RGS12: variants seen among roughly 807,000 people sequenced by gnomAD.
RGS12 encodes regulator of G protein signaling 12.
RGS12 carries 66 observed loss-of-function variants against 120.1 expected under a neutral mutation model. That is an observed-to-expected ratio of 0.55 (90% CI 0.45 to 0.67). The LOEUF is 0.67. Among genes scored for constraint, RGS12 ranks in the 30% least tolerant of loss-of-function variants. The pLI is 0.00. For synonymous variants in RGS12, 827 were observed against 804.7 expected (o/e 1.03, Z -0.47); for missense variants, 1,859 against 1,957.7 (o/e 0.95, Z 0.95).
intron 13 of RGS12, among the ~76,000 whole-genome samples, chr4:3,424,935 A>C (rs533510217): frequency 6.1e-4 from 93 of 152,340 alleles, no homozygotes; most frequent in African/African-American, 2.1e-3. Context: ...TGACTGACAG[A>C]TCGTGAATGC....
At chr4:3,335,578 C>T (rs915045233) in intron 2 of RGS12, among the ~76,000 whole-genome samples, 4 of 152,182 alleles carry the variant, frequency 2.6e-5, no homozygotes. Context: ...ACGTTTCACC[C>T]TCACAGGGGC....
chr4:3,308,706 C>CT (rs914952555), intron 1 of RGS12, among the ~76,000 whole-genome samples: 3 of 152,228 alleles, frequency 2.0e-5, no homozygotes, highest in Admixed American at 1.3e-4. Context: ...TTTTGTGGGA[C>CT]TTTTTTCATC....
rs755790005 is a variant in RGS12 at position 3,399,775 on chromosome 4, C to T, written c.2020+13338C>T. On this transcript the variant is annotated intron_variant, in intron 4 of 17. Transcript: ENST00000336727. ...CTTAGGCTAAGTAATATTGCAATAA[C>T]AAATAACACCAAAAATCCTGGTGGG... Among the ~76,000 whole-genome samples, 5 of 152,328 alleles carry T rather than the reference C, an allele frequency of 3.3e-5. No individual in the cohort carries two copies. The South Asian group carries it at 6.2e-4, about 19-fold the overall frequency.
At chr4:3,397,434 G>A (rs1720147302) in intron 4 of RGS12, among the ~76,000 whole-genome samples, 1 of 152,228 alleles carries the variant, frequency 6.6e-6, no homozygotes. Flanking sequence ...GAAGAACCAG[G>A]AAAAAGCTGA....
At chr4:3,311,241 T>G (rs1034814686) in intron 1 of RGS12, among the ~76,000 whole-genome samples, 1 of 152,184 alleles carries the variant, frequency 6.6e-6, no homozygotes. Flanking sequence ...GCTGGCTTGG[T>G]CTTTCCAGCC....
At position 3,428,185 on chromosome 4, in the gene RGS12, G is replaced by A; in HGVS notation, c.3411+16G>A. On this transcript the variant is annotated intron_variant, in intron 15 of 17. Coordinates refer to ENST00000336727, the MANE Select transcript of RGS12 (RefSeq NM_001394154.1). ...CTCGGCTACGGTAATTCCCCACCCT[G>A]GCCCACCCTGTGCCCTGCTCCTCTC... is the stretch of plus-strand genomic sequence containing the variant. 1 of 1,608,962 alleles carries A rather than the reference G, an allele frequency of 6.2e-7. No individual in the cohort carries two copies. The highest frequency in any genetic ancestry group is 8.5e-7 in the Non-Finnish European group (1 of 1,175,900).
intron 3 of RGS12, among the ~76,000 whole-genome samples, chr4:3,354,064 T>A (rs1030225569): frequency 2.0e-5 from 3 of 152,174 alleles, no homozygotes; most frequent in Admixed American, 1.3e-4. Flanking sequence ...GTTTGAGAAA[T>A]GGCTCACATT....
intron 5 of RGS12, 24 bp downstream of exon 5, chr4:3,414,265 C>T: frequency 6.6e-7 from 1 of 1,520,934 alleles, no homozygotes; most frequent in South Asian, 1.2e-5. Context: ...GGCCCAGGAG[C>T]AGCGGAGCGG....
chr4:3,378,404 G>T (rs1320628823), intron 3 of RGS12: 2 of 152,098 alleles, frequency 1.3e-5, no homozygotes, highest in Non-Finnish European at 2.9e-5. Context: ...AAAACTAAAA[G>T]TAAACAGGTG....
At chr4:3,335,902 C>T (rs577691435) in intron 2 of RGS12, among the ~76,000 whole-genome samples, 2 of 152,186 alleles carry the variant, frequency 1.3e-5, no homozygotes, top group African/African-American at 4.8e-5. Flanking sequence ...CCAGCCTGGC[C>T]AACATAGTGA....
At position 3,370,443 on chromosome 4, in the gene RGS12, G is replaced by A. The variant is rs1716851238; in HGVS notation, c.1999-15973G>A. 1.1e-5 allele frequency: 11 copies of A among 996,532 alleles called. No individual in the cohort carries two copies. The South Asian group carries it at 1.5e-4, about 14-fold the overall frequency. 61.7% of individuals were successfully genotyped at this position (996,532 alleles called of 1,614,324 possible). ...CAAATGCTTGTAAGGATAAGCTTTG[G>A]AAATGGTTTTCATGTGTCTGCACCA... On this transcript the variant is annotated intron_variant, in intron 3 of 17. Coordinates refer to ENST00000336727, the MANE Select transcript of RGS12 (RefSeq NM_001394154.1).
rs965110767 is a variant in RGS12, at chr4:3,365,296, C to A, written c.1999-21120C>A. On this transcript the variant is annotated intron_variant, in intron 3 of 17. Coordinates refer to ENST00000336727, the MANE Select transcript of RGS12 (RefSeq NM_001394154.1). The surrounding 1 kb of genome is among the most constrained non-coding windows in gnomAD (Gnocchi z 4.0). ...TACAGCGGCAGAGTGGGGTCGAGTGCGTGGTGTCGCCTGCACAGCGGGCAG... is the reference window on the plus strand; with the variant it reads ...TACAGCGGCAGAGTGGGGTCGAGTGAGTGGTGTCGCCTGCACAGCGGGCAG... Among the ~76,000 whole-genome samples, 5 of 151,964 alleles carry A rather than the reference C, an allele frequency of 3.3e-5. No individual in the cohort carries two copies. The highest frequency in any genetic ancestry group is 5.9e-5 in the Non-Finnish European group (4 of 67,980).
At chr4:3,397,384 A>G (rs1431483687) in intron 4 of RGS12, among the ~76,000 whole-genome samples, 1 of 152,236 alleles carries the variant, frequency 6.6e-6, no homozygotes, top group Non-Finnish European at 1.5e-5. Flanking sequence ...GACCTGACAG[A>G]TGGGTGAGGA....
rs997502311 is a variant in RGS12 at position 3,366,807 on chromosome 4, G to A, written c.1999-19609G>A. On this transcript the variant is annotated intron_variant, in intron 3 of 17. Transcript: ENST00000336727. This position sits in a 1 kb window ranked among gnomAD's most constrained non-coding sequence, Gnocchi z 4.0. ...CCTGGGAGACAGGTGAGTCTGTAAG[G>A]AGGCCCAGAGTCAAGGAGGAGCTCT... Among the ~76,000 whole-genome samples, 60 of 152,258 alleles carry A rather than the reference G, an allele frequency of 3.9e-4. No homozygotes were observed. The highest frequency in any genetic ancestry group is 3.4e-3 in the Middle Eastern group (1 of 294).
At chr4:3,420,788 C>G (rs1722935365) in intron 10 of RGS12, 70 bp downstream of exon 10, 1 of 1,261,680 alleles carries the variant, frequency 7.9e-7, no homozygotes, top group African/African-American at 1.5e-5. Flanking sequence ...TGACACCTCT[C>G]TCCCATGGAA....
chr4:3,300,099 C>A (rs1443248154), intron 1 of RGS12, among the ~76,000 whole-genome samples: 1 of 152,220 alleles, frequency 6.6e-6, no homozygotes, highest in Non-Finnish European at 1.5e-5. Flanking sequence ...GTGGCTGATA[C>A]CTGGGAGTCC....
intron 3 of RGS12, among the ~76,000 whole-genome samples, chr4:3,368,453 G>T (rs910848216): frequency 2.2e-5 from 2 of 90,094 alleles, no homozygotes; most frequent in African/African-American, 6.9e-5. Flanking sequence ...TGTGTGTGTG[G>T]GGTGCCTTTG....
At chr4:3,344,852 G>A (rs1240122524) in intron 3 of RGS12, among the ~76,000 whole-genome samples, 1 of 152,208 alleles carries the variant, frequency 6.6e-6, no homozygotes, top group South Asian at 2.1e-4. Flanking sequence ...TGGCAGGGCT[G>A]CCTGTCCTTT....
intron 12 of RGS12, 53 bp from the exon 13 acceptor site, chr4:3,423,462 C>A (rs986611280): frequency 6.2e-7 from 1 of 1,604,174 alleles, no homozygotes; most frequent in African/African-American, 1.3e-5. Flanking sequence ...TGAGACTGAT[C>A]TCCTAATGAG....
Sources: allele counts gnomAD v4.1 joint callset (sites outside exome capture counted in the v4.1 genomes callset), GRCh38; gene constraint gnomAD v4.1.1; non-coding constraint Gnocchi (gnomAD v3.1); transcripts MANE v1.5; gene names NCBI Gene and HGNC (gene_info 2026-07-23, HGNC 2026-07-21).